FSIP2: variants seen among roughly 807,000 people sequenced by gnomAD.
The protein encoded by FSIP2 is fibrous sheath interacting protein 2, also known as fibrous sheath-interacting protein 2.
Under a neutral mutation model 510.5 loss-of-function variants are expected in FSIP2, and 367 were observed. The ratio of observed to expected loss-of-function variants is 0.72; its 90% confidence interval spans 0.66 to 0.78. The LOEUF is 0.78. FSIP2 is among the 30% of genes least tolerant of loss of function. The pLI is 0.00. For missense variants in FSIP2, 7,594 were observed against 7,901.7 expected, an observed-to-expected ratio of 0.96 and a Z score of 1.48; for synonymous variants, 2,601 against 2,732.2, an observed-to-expected ratio of 0.95 and a Z score of 1.50.
intron 6 of FSIP2, 100 bp downstream of exon 6, chr2:185,746,910 C>A: frequency 2.5e-6 from 2 of 813,494 alleles, no homozygotes; most frequent in South Asian, 2.5e-5. Flanking sequence ...GAAGTCATTT[C>A]AGTTCAAAAT....
At position 185,788,950 on chromosome 2, in the gene FSIP2, A is replaced by G. The variant is rs1316830183; in HGVS notation, c.1814A>G (p.His605Arg). The G allele has an allele frequency of 6.5e-7, 1 of 1,534,970 alleles. No homozygotes were observed. The highest frequency in any genetic ancestry group is 8.7e-7 in the Non-Finnish European group (1 of 1,146,002). Reference protein sequence around the residue: ...PTTPIKPPPAHVEKTVVGKTC... With the variant: ...PTTPIKPPPARVEKTVVGKTC... The stretch of plus-strand genomic sequence containing the variant: ...ACACCTATAAAACCTCCTCCTGCAC[A>G]TGTGGAAAAAACAGTTGTGGGGAAA... Residue 605 changes from histidine (H) to arginine (R), a missense_variant, in exon 16 of 23, where the codon CAT becomes CGT. Coordinates refer to ENST00000424728, the MANE Select transcript of FSIP2 (RefSeq NM_173651.4).
Position 185,789,238 on chromosome 2 carries a change from A to G in FSIP2, c.2102A>G (p.Lys701Arg), listed in dbSNP as rs1452253855. Residue 701 changes from lysine to arginine, a missense_variant, in exon 16 of 23, where the codon AAA (lysine) becomes AGA (arginine). Transcript: ENST00000424728. ...TTTGTTAACTTTAAATGTTACTTGA[A>G]AGGGGAAACTGAAGTGATTTTAGAA... ...NVFVNFKCYL[K>R]GETEVILESI... 4 of 1,534,564 alleles carry G rather than the reference A, an allele frequency of 2.6e-6. No individual in the cohort carries two copies. Among genetic ancestry groups the G allele is most frequent in the Non-Finnish European group, 3.5e-6 (4 of 1,145,870 alleles).
chr2:185,795,051 A>G lies in FSIP2; in HGVS notation c.7915A>G (p.Lys2639Glu). ...KKDLIQMVLN[K>E]ITNFVSLPLK... is the part of the protein sequence containing the mutation. ...AGACTTAATTCAAATGGTTCTCAAT[A>G]AGATCACAAATTTTGTCTCACTTCC... Residue 2639 changes from lysine (K) to glutamate (E), a missense_variant, in exon 16 of 23, where the codon AAG becomes GAG. Transcript: ENST00000424728. 6.5e-7 allele frequency: 1 copy of G among 1,534,760 alleles called. No homozygotes were observed. The highest frequency in any genetic ancestry group is 8.7e-7 in the Non-Finnish European group (1 of 1,146,058).
At position 185,792,814 on chromosome 2, in the gene FSIP2, C is replaced by A; in HGVS notation, c.5678C>A (p.Ala1893Asp). Residue 1893 changes from alanine to aspartate, a missense_variant, in exon 16 of 23, where the codon GCT becomes GAT. Physicochemically the swap from Ala to Asp is moderately radical, Grantham distance 126 (BLOSUM62 -2). Coordinates refer to ENST00000424728, the MANE Select transcript of FSIP2 (RefSeq NM_173651.4). ...TATAAAGGAAAGTCCTCTGTCACGG[C>A]TTTGGATGAAAATCCATGTACTTTT... The part of the protein sequence containing the change: ...HTYKGKSSVT[A>D]LDENPCTFQS... The A allele has an allele frequency of 1.3e-6, 2 of 1,534,446 alleles. No homozygotes were observed. Among genetic ancestry groups the A allele is most frequent in the Non-Finnish European group, 1.7e-6 (2 of 1,145,740 alleles).
rs1386394219 is a variant in FSIP2, at chr2:185,782,702, T to C, written c.1412-3T>C. On this transcript the variant is annotated splice_region_variant and splice_polypyrimidine_tract_variant and intron_variant, in intron 13 of 22. Coordinates refer to ENST00000424728, the MANE Select transcript of FSIP2 (RefSeq NM_173651.4). The stretch of plus-strand genomic sequence containing the variant: ...TATGTAATTTTATTTTTCTGATAAA[T>C]AGGACCTCAGGCTCATGCTACAGAC... 15 of 1,505,242 alleles carry C rather than the reference T, an allele frequency of 1.0e-5. No individual in the cohort carries two copies. The highest frequency in any genetic ancestry group is 1.3e-5 in the Non-Finnish European group (15 of 1,118,814). The allele number at this position is 1,505,242 out of a possible 1,614,324, so 93.2% of individuals were successfully genotyped here. A position where few individuals can be genotyped will look rare whatever the true frequency, so the allele number is the denominator to read the frequency against.
chr2:185,782,826 C>T (rs1692882193), intron 14 of FSIP2, 64 bp downstream of exon 14: 7 of 843,802 alleles, frequency 8.3e-6, no homozygotes, highest in Middle Eastern at 3.3e-4. Flanking sequence ...GAGTGCTGCT[C>T]ATAAGCAAAT....
At position 185,804,537 on chromosome 2, in the gene FSIP2, A is replaced by G; in HGVS notation, c.15231A>G (p.Glu5077=). The G allele has an allele frequency of 6.6e-7, 1 of 1,522,878 alleles. No individual in the cohort carries two copies. Among genetic ancestry groups the G allele is most frequent in the Non-Finnish European group, 8.8e-7 (1 of 1,140,878 alleles). 94.3% of individuals were successfully genotyped at this position (1,522,878 alleles called of 1,614,324 possible). A position where few individuals can be genotyped will look rare whatever the true frequency, so the allele number is the denominator to read the frequency against. The change falls in exon 17 of 23, where the codon GAA becomes GAG. Residue 5077 remains glutamate (E), a synonymous_variant. Transcript: ENST00000424728. ...DYQVQSLVSG[E]LESSSYSYPQ... is the part of the protein sequence containing the mutation. ...AAGTGCAGTCATTAGTTTCAGGAGA[A>G]TTAGAGTCTTCTTCTTATTCGTATC...
chr2:185,773,877 T>C (rs1692663577), intron 13 of FSIP2, among the ~76,000 whole-genome samples: 2 of 152,204 alleles, frequency 1.3e-5, no homozygotes, highest in South Asian at 4.1e-4. Flanking sequence ...TTGTCTGCTT[T>C]TAAAGATTGG....
chr2:185,754,471 T>A (rs1038008497), intron 8 of FSIP2, among the ~76,000 whole-genome samples: 4 of 151,488 alleles, frequency 2.6e-5, no homozygotes, highest in African/African-American at 9.7e-5. Flanking sequence ...TAGTATCTCA[T>A]CAATCCCATT....
rs1468080828 is a variant in FSIP2, at chr2:185,764,599, G to A, written c.1411+34G>A. The A allele has an allele frequency of 1.9e-5, 26 of 1,349,172 alleles. No individual in the cohort carries two copies. The East Asian group carries it at 6.0e-4, about 31-fold the overall frequency. 83.6% of individuals were successfully genotyped at this position (1,349,172 alleles called of 1,614,324 possible). ...CAGCAGTAATTATTGAGTAAATCTT[G>A]CATTCTATTTATTCTTTCAACTGAC... is the stretch of plus-strand genomic sequence containing the variant. On this transcript the variant is annotated intron_variant, in intron 13 of 22. Transcript: ENST00000424728.
At position 185,761,959 on chromosome 2, in the gene FSIP2, T is replaced by A; in HGVS notation, c.1195-13T>A. The A allele has an allele frequency of 6.9e-7, 1 of 1,441,090 alleles. No individual in the cohort carries two copies. Among genetic ancestry groups the A allele is most frequent in the Non-Finnish European group, 9.4e-7 (1 of 1,068,812 alleles). 89.3% of individuals were successfully genotyped at this position (1,441,090 alleles called of 1,614,324 possible). A position where few individuals can be genotyped will look rare whatever the true frequency, so the allele number is the denominator to read the frequency against. On this transcript the variant is annotated splice_polypyrimidine_tract_variant and intron_variant, in intron 10 of 22. Coordinates refer to ENST00000424728, the MANE Select transcript of FSIP2 (RefSeq NM_173651.4). ...CTAATGTAATTTTTTCTCTTCAATG[T>A]GGTACCATGTAGAGAGATGGGATGG...
chr2:185,750,193 A>G (rs902552454), intron 7 of FSIP2, among the ~76,000 whole-genome samples: 2 of 151,602 alleles, frequency 1.3e-5, no homozygotes, highest in African/African-American at 4.8e-5. Flanking sequence ...TATGTATTCC[A>G]TCTTCAGATT....
At chr2:185,822,031 A>G (rs1006252636) in intron 19 of FSIP2, among the ~76,000 whole-genome samples, 3 of 152,018 alleles carry the variant, frequency 2.0e-5, no homozygotes, top group African/African-American at 7.2e-5. Flanking sequence ...TTACATGGAT[A>G]AAAGGACTCA....
intron 21 of FSIP2, among the ~76,000 whole-genome samples, chr2:185,828,748 T>G (rs1690352187): frequency 6.6e-6 from 1 of 151,898 alleles, no homozygotes; most frequent in Non-Finnish European, 1.5e-5. Context: ...TAAATCTTTC[T>G]TATAAAGTTT....
At chr2:185,749,737 A>G (rs931588420) in intron 7 of FSIP2, among the ~76,000 whole-genome samples, 2 of 151,754 alleles carry the variant, frequency 1.3e-5, no homozygotes, top group African/African-American at 2.4e-5. Context: ...TCTCTTTGCT[A>G]GTGATCTCAA....
chr2:185,761,829 T>C (rs1214532529), intron 10 of FSIP2, 143 bp from the exon 11 acceptor site: 3 of 485,294 alleles, frequency 6.2e-6, no homozygotes, highest in Admixed American at 7.0e-5. Flanking sequence ...TGATGATATG[T>C]ATTTTACCTA....
At chr2:185,816,804 T>C (rs1693833614) in intron 19 of FSIP2, among the ~76,000 whole-genome samples, 1 of 151,514 alleles carries the variant, frequency 6.6e-6, no homozygotes, top group Non-Finnish European at 1.5e-5. Context: ...TACAGTGAGC[T>C]ATGATTTTGC....
intron 19 of FSIP2, among the ~76,000 whole-genome samples, chr2:185,820,263 C>G (rs1693890310): frequency 6.6e-6 from 1 of 151,686 alleles, no homozygotes; most frequent in Admixed American, 6.6e-5. Context: ...TGGCACTTCT[C>G]CTTCCTGCCA....
intron 2 of FSIP2, 76 bp downstream of exon 2, chr2:185,739,547 A>G: frequency 2.4e-6 from 3 of 1,264,814 alleles, no homozygotes; most frequent in Non-Finnish European, 3.1e-6. Context: ...GCATCATACA[A>G]AATTCATTAA....
Sources: gnomAD v4.1 joint callset for allele counts (sites outside exome capture counted in the v4.1 genomes callset) on GRCh38, gnomAD v4.1.1 for gene constraint, MANE v1.5 for transcripts, NCBI Gene and HGNC (gene_info 2026-07-23, HGNC 2026-07-21) for gene names.